Variants in TRPS1 observed in about 807,000 individuals in gnomAD.
TRPS1 encodes the protein transcriptional repressor GATA binding 1, also known as zinc finger transcription factor Trps1.
In TRPS1, 6 loss-of-function variants were observed where a neutral mutation model predicts 101.2. The ratio of observed to expected loss-of-function variants is 0.06; its 90% CI spans 0.03 to 0.12. The LOEUF (loss-of-function observed/expected upper bound fraction) is 0.12, where lower values mean the gene tolerates loss of function less well. Ranked by LOEUF, TRPS1 falls within the 10% of genes least tolerant of loss-of-function variation. The pLI, the probability that TRPS1 is intolerant of heterozygous loss-of-function variation, is 1.00. For missense variants in TRPS1, 1,363 were observed against 1,567.0 expected, an observed-to-expected ratio of 0.87 and a Z score of 2.20; for synonymous variants, 578 against 589.8, an observed-to-expected ratio of 0.98 and a Z score of 0.29.
chr8:115,448,614 C>A (rs544199218), intron 5 of TRPS1, among the ~76,000 whole-genome samples: 3 of 152,188 alleles, frequency 2.0e-5, no homozygotes, highest in African/African-American at 7.2e-5. Flanking sequence ...ATAGACAATG[C>A]ACTTGAAATG....
chr8:115,423,924 A>G (rs1813128779), intron 5 of TRPS1, among the ~76,000 whole-genome samples: 1 of 152,152 alleles, frequency 6.6e-6, no homozygotes, highest in Non-Finnish European at 1.5e-5. Context: ...CAAATCTCCA[A>G]ATTTTGAAAA....
At chr8:115,566,372 G>C (rs760248885) in intron 5 of TRPS1, among the ~76,000 whole-genome samples, 1 of 152,112 alleles carries the variant, frequency 6.6e-6, no homozygotes, top group Non-Finnish European at 1.5e-5. Context: ...TGTTGCTCAA[G>C]GCCAGTTGGC....
rs1436157647 is a variant in TRPS1, at chr8:115,408,991, T to G, written c.*5032A>C. 1 of 152,234 alleles carries G rather than the reference T, an allele frequency of 6.6e-6. No homozygotes were observed. The highest frequency in any genetic ancestry group is 1.5e-5 in the Non-Finnish European group (1 of 67,920). 9.4% of individuals were successfully genotyped at this position (152,234 alleles called of 1,614,324 possible). A position where few individuals can be genotyped will look rare whatever the true frequency, so the allele number is the denominator to read the frequency against. On this transcript the variant is annotated 3_prime_UTR_variant, in exon 7 of 7. Coordinates refer to ENST00000395715, the MANE Select transcript of TRPS1 (RefSeq NM_014112.5). The stretch of plus-strand genomic sequence containing the variant: ...ATAGTCAACACTATTGGCTGCCTAG[T>G]TGATATTTACAGCTCGTCTTTAAGA...
chr8:115,619,828 G>T lies in TRPS1; in HGVS notation c.270C>A (p.Ser90Arg). The T allele has an allele frequency of 6.2e-7, 1 of 1,614,154 alleles. No individual in the cohort carries two copies. The highest frequency in any genetic ancestry group is 8.5e-7 in the Non-Finnish European group (1 of 1,180,030). Reference sequence around the variant, plus strand: ...AGCCAGCCTTCTCACTCAGAACTGCGCTTTTCAAGTCCTTCTTACTGCTAG... The same window carrying T: ...AGCCAGCCTTCTCACTCAGAACTGCTCTTTTCAAGTCCTTCTTACTGCTAG... ...PSSSSKKDLK[S>R]AVLSEKAGFN... Residue 90 changes from serine to arginine, a missense_variant, in exon 3 of 7, where the codon AGC becomes AGA. Ser to Arg is a moderately radical substitution (Grantham distance 110). Around this residue, in one of 5 missense-constraint regions of TRPS1, gnomAD observed 1,020 missense variants for 1,073.0 expected, o/e 0.95. Transcript: ENST00000395715.
At chr8:115,461,417 T>C (rs540534272) in intron 5 of TRPS1, among the ~76,000 whole-genome samples, 1 of 152,290 alleles carries the variant, frequency 6.6e-6, no homozygotes, top group Admixed American at 6.5e-5. Context: ...ATTACCTCTT[T>C]TGTTGAAGCA....
At chr8:115,531,218 G>C (rs1470315916) in intron 5 of TRPS1, among the ~76,000 whole-genome samples, 1 of 152,156 alleles carries the variant, frequency 6.6e-6, no homozygotes, top group Non-Finnish European at 1.5e-5. Flanking sequence ...GAGAAATTTT[G>C]AGAAGGAAAC....
At chr8:115,575,038 A>C (rs1206910748) in intron 5 of TRPS1, among the ~76,000 whole-genome samples, 3 of 152,124 alleles carry the variant, frequency 2.0e-5, no homozygotes, top group African/African-American at 7.2e-5. Context: ...GATCTGGTAA[A>C]GTGACCTATG....
At chr8:115,490,890 T>G (rs1416653942) in intron 5 of TRPS1, among the ~76,000 whole-genome samples, 4 of 152,220 alleles carry the variant, frequency 2.6e-5, no homozygotes, top group Non-Finnish European at 5.9e-5. Context: ...GCTCTTTGAA[T>G]ACACAACTCA....
intron 5 of TRPS1, among the ~76,000 whole-genome samples, chr8:115,513,722 C>G (rs1815640598): frequency 6.6e-6 from 1 of 151,408 alleles, no homozygotes; most frequent in African/African-American, 2.4e-5. Context: ...TTGTGAACAC[C>G]CTGGGCAAGA....
rs570400568 is a variant in TRPS1 at position 115,515,256 on chromosome 8, C to T, written c.2700+71745G>A. ...TTTTCTCAAAGACTAAACTGCTCTT[C>T]GGGAGTCATCCAAGCAGATTCAAAA... On this transcript the variant is annotated intron_variant, in intron 5 of 6. Transcript: ENST00000395715. The T allele has an allele frequency of 2.5e-4, 173 of 697,974 alleles. 4 individuals are homozygous for T. Among genetic ancestry groups the T allele is most frequent in the South Asian group, 2.3e-3 (157 of 67,386 alleles). The allele number at this position is 697,974 out of a possible 1,614,324, so 43.2% of individuals were successfully genotyped here.
chr8:115,536,655 T>C (rs1428424518), intron 5 of TRPS1, among the ~76,000 whole-genome samples: 2 of 152,030 alleles, frequency 1.3e-5, no homozygotes, highest in African/African-American at 2.4e-5. Context: ...ATATAAAAGG[T>C]ACCATAAATC....
At chr8:115,598,880 G>A (rs1053466958) in intron 4 of TRPS1, among the ~76,000 whole-genome samples, 2 of 152,182 alleles carry the variant, frequency 1.3e-5, no homozygotes, top group Non-Finnish European at 2.9e-5. Context: ...GTCTACAGCT[G>A]TTTTTAAGGA....
At chr8:115,462,657 T>C (rs1330739170) in intron 5 of TRPS1, among the ~76,000 whole-genome samples, 3 of 145,818 alleles carry the variant, frequency 2.1e-5, no homozygotes, top group Non-Finnish European at 3.0e-5. Flanking sequence ...TTTTTTTTTT[T>C]CATCATCTCA....
chr8:115,469,761 T>A (rs1211064590), intron 5 of TRPS1, among the ~76,000 whole-genome samples: 1 of 152,148 alleles, frequency 6.6e-6, no homozygotes, highest in African/African-American at 2.4e-5. Context: ...ACTCCTGAAC[T>A]CAGGTGATCT....
At chr8:115,486,751 G>C (rs1285431079) in intron 5 of TRPS1, among the ~76,000 whole-genome samples, 2 of 152,180 alleles carry the variant, frequency 1.3e-5, no homozygotes, top group Non-Finnish European at 2.9e-5. Context: ...CATGAAGTCT[G>C]AGAGAGGTGA....
Position 115,418,536 on chromosome 8 carries a change from T to C in TRPS1, c.2701-84A>G, listed in dbSNP as rs77108422. On this transcript the variant is annotated intron_variant, in intron 5 of 6. Coordinates refer to ENST00000395715, the MANE Select transcript of TRPS1 (RefSeq NM_014112.5). The surrounding 1 kb of genome is among the most constrained non-coding windows in gnomAD (Gnocchi z 4.3). ...CCAAATCAACCCAGGAGTTTTGTCT[T>C]TAAACTAGCAACAATGACAGTATAA... The C allele has an allele frequency of 2.5e-3, 4,014 of 1,587,644 alleles. 10 individuals are homozygous for C. The highest frequency in any genetic ancestry group is 3.0e-3 in the Non-Finnish European group (3,514 of 1,157,282).
At position 115,607,664 on chromosome 8, in the gene TRPS1, TTATATA is replaced by T. The variant is rs1282003825; in HGVS notation, c.967-2668_967-2663del. ...TTAATATCGGTAAATAATATTAGTA[TTATATA>T]TTATTAAAAGCTAATATAATATTAG... On this transcript the variant is annotated intron_variant, in intron 3 of 6. Coordinates refer to ENST00000395715, the MANE Select transcript of TRPS1 (RefSeq NM_014112.5). Among the ~76,000 whole-genome samples the T allele has an allele frequency of 2.0e-5, 3 of 151,570 alleles. No homozygotes were observed. The East Asian group carries it at 5.8e-4, about 29-fold the overall frequency.
chr8:115,635,908 A>T (rs981353042), intron 1 of TRPS1, among the ~76,000 whole-genome samples: 6 of 152,212 alleles, frequency 3.9e-5, no homozygotes, highest in African/African-American at 1.4e-4. Flanking sequence ...ATAATGTATC[A>T]TATGTATTGA....
chr8:115,489,550 T>C (rs1162950653), intron 5 of TRPS1, among the ~76,000 whole-genome samples: 1 of 152,178 alleles, frequency 6.6e-6, no homozygotes, highest in East Asian at 1.9e-4. Context: ...TTAAAGAGTG[T>C]ACATTTTGTT....
Sources: gnomAD v4.1 joint callset for allele counts (sites outside exome capture counted in the v4.1 genomes callset) on GRCh38, gnomAD v4.1.1 for gene constraint, gnomAD v4.1.1 regional missense constraint, Gnocchi (gnomAD v3.1) non-coding constraint, MANE v1.5 for transcripts, NCBI Gene and HGNC (gene_info 2026-07-23, HGNC 2026-07-21) for gene names.